DLG2: variants seen among roughly 807,000 people sequenced by gnomAD.
DLG2 encodes discs large MAGUK scaffold protein 2, also known as disks large homolog 2.
Under a neutral mutation model 132.5 loss-of-function variants are expected in DLG2, and 45 were observed. The observed-to-expected ratio is 0.34, with a 90% CI of 0.27 to 0.44. DLG2 has a LOEUF of 0.44. Ranked by LOEUF, DLG2 falls within the 20% of genes least tolerant of loss-of-function variation. The pLI, the probability that DLG2 is intolerant of heterozygous loss-of-function variation, is 1.00. For synonymous variants in DLG2, 424 were observed against 419.6 expected, an observed-to-expected ratio of 1.01 and a Z score of -0.13; for missense variants, 1,045 against 1,196.9, an observed-to-expected ratio of 0.87 and a Z score of 1.87.
At chr11:83,854,508 C>T (rs1342781479) in intron 16 of DLG2, among the ~76,000 whole-genome samples, 2 of 152,042 alleles carry the variant, frequency 1.3e-5, no homozygotes, top group Non-Finnish European at 2.9e-5. Context: ...AAAGAGGAGA[C>T]AAACATGGTG....
At chr11:84,182,041 CAT>C (rs2154280644) in intron 8 of DLG2, among the ~76,000 whole-genome samples, 1 of 152,238 alleles carries the variant, frequency 6.6e-6, no homozygotes, top group East Asian at 1.9e-4. Context: ...CAAGCACATC[CAT>C]AGACTACTTC....
At chr11:85,607,226 C>T (rs1324782640) in intron 2 of DLG2, among the ~76,000 whole-genome samples, 1 of 152,198 alleles carries the variant, frequency 6.6e-6, no homozygotes, top group Non-Finnish European at 1.5e-5. Flanking sequence ...ACACGGGTGT[C>T]AGGCTTTCTG....
chr11:84,639,728 C>T (rs529961229), intron 6 of DLG2, among the ~76,000 whole-genome samples: 1 of 152,210 alleles, frequency 6.6e-6, no homozygotes, highest in South Asian at 2.1e-4. Context: ...CCCTGGGTTG[C>T]TCAATGCCAA....
At chr11:83,811,312 C>A (rs1480733409) in intron 17 of DLG2, among the ~76,000 whole-genome samples, 1 of 152,028 alleles carries the variant, frequency 6.6e-6, no homozygotes, top group African/African-American at 2.4e-5. Flanking sequence ...GGACTAAATT[C>A]TTTGAAGACT....
intron 9 of DLG2, among the ~76,000 whole-genome samples, chr11:84,160,590 G>A (rs978992127): frequency 1.3e-5 from 2 of 152,006 alleles, no homozygotes; most frequent in Non-Finnish European, 2.9e-5. Flanking sequence ...AATAGTGGAA[G>A]GAAAACATAG....
At chr11:85,316,248 T>C (rs549944039) in intron 3 of DLG2, among the ~76,000 whole-genome samples, 11 of 152,164 alleles carry the variant, frequency 7.2e-5, no homozygotes, top group African/African-American at 2.2e-4. Flanking sequence ...CTATTCTCAA[T>C]GTCGCTAGTG....
At chr11:84,692,491 A>G (rs892785672) in intron 6 of DLG2, among the ~76,000 whole-genome samples, 3 of 151,772 alleles carry the variant, frequency 2.0e-5, no homozygotes, top group African/African-American at 7.2e-5. Flanking sequence ...CTCCCAGTTT[A>G]TACCAGGTAT....
At chr11:84,063,676 C>T (rs111861359) in intron 10 of DLG2, among the ~76,000 whole-genome samples, 3,006 of 152,006 alleles carry the variant, frequency 0.02, 86 homozygotes, top group African/African-American at 0.069. Context: ...ATGTTTATTG[C>T]GGCACTATTC....
At chr11:84,573,499 G>A (rs1402483463) in intron 6 of DLG2, among the ~76,000 whole-genome samples, 1 of 152,038 alleles carries the variant, frequency 6.6e-6, no homozygotes. Context: ...AGGATGCAAG[G>A]TTAACATTAA....
At chr11:84,723,384 C>G (rs1400052754) in intron 6 of DLG2, among the ~76,000 whole-genome samples, 1 of 152,130 alleles carries the variant, frequency 6.6e-6, no homozygotes, top group African/African-American at 2.4e-5. Flanking sequence ...TATTTCATTT[C>G]CTTGACTTTT....
At chr11:84,563,780 T>C (rs921902499) in intron 6 of DLG2, among the ~76,000 whole-genome samples, 1 of 152,214 alleles carries the variant, frequency 6.6e-6, no homozygotes, top group East Asian at 1.9e-4. Flanking sequence ...GAAGTAGCTG[T>C]GTGACATCTT....
chr11:84,731,880 A>AT (rs2063199397), intron 6 of DLG2, among the ~76,000 whole-genome samples: 1 of 152,032 alleles, frequency 6.6e-6, no homozygotes, highest in East Asian at 1.9e-4. Context: ...GATAATAAAC[A>AT]TATCTATCAC....
chr11:83,596,035 A>T (rs1275023189), intron 19 of DLG2, among the ~76,000 whole-genome samples: 4 of 152,238 alleles, frequency 2.6e-5, no homozygotes, highest in Non-Finnish European at 5.9e-5. Flanking sequence ...TGATCTGAAC[A>T]TAAAAGTCTC....
At chr11:83,685,339 C>T (rs755868439) in intron 18 of DLG2, among the ~76,000 whole-genome samples, 2 of 152,188 alleles carry the variant, frequency 1.3e-5, no homozygotes, top group Non-Finnish European at 2.9e-5. Flanking sequence ...TTCAATCAGG[C>T]TTCCCACTAC....
intron 3 of DLG2, among the ~76,000 whole-genome samples, chr11:85,506,500 T>C (rs1195752104): frequency 6.6e-6 from 1 of 152,230 alleles, no homozygotes; most frequent in Non-Finnish European, 1.5e-5. Context: ...GAGCAAGTTG[T>C]TCAGTTTCTG....
chr11:83,983,137 G>A (rs1450894449), intron 11 of DLG2, among the ~76,000 whole-genome samples: 1 of 151,976 alleles, frequency 6.6e-6, no homozygotes, highest in Non-Finnish European at 1.5e-5. Flanking sequence ...TCATTTTAAA[G>A]GAATAATTAA....
chr11:83,849,885 T>A (rs1241266345), intron 16 of DLG2, among the ~76,000 whole-genome samples: 1 of 152,024 alleles, frequency 6.6e-6, no homozygotes, highest in Non-Finnish European at 1.5e-5. Context: ...GGCCTTCGTG[T>A]CTCCAGTACC....
At chr11:83,595,628 A>G (rs1440843442) in intron 19 of DLG2, among the ~76,000 whole-genome samples, 1 of 152,228 alleles carries the variant, frequency 6.6e-6, no homozygotes. Flanking sequence ...GCTGTTACTG[A>G]TGCGGTCTCA....
At chr11:83,691,129 T>C (rs1450425491) in intron 18 of DLG2, among the ~76,000 whole-genome samples, 2 of 152,164 alleles carry the variant, frequency 1.3e-5, no homozygotes, top group Non-Finnish European at 1.5e-5. Context: ...TCTGGAAATG[T>C]AGGTTCAGAG....
Sources: allele counts gnomAD v4.1 joint callset (sites outside exome capture counted in the v4.1 genomes callset), GRCh38; gene constraint gnomAD v4.1.1; transcripts MANE v1.5; gene names NCBI Gene and HGNC (gene_info 2026-07-23, HGNC 2026-07-21).